Variants in PCDHA2 observed in about 807,000 individuals in gnomAD.
PCDHA2 encodes the protein protocadherin alpha-2.
In PCDHA2, 58 loss-of-function variants were observed where a neutral mutation model predicts 66.0. The observed-to-expected ratio is 0.88, with a 90% confidence interval of 0.71 to 1.09. The LOEUF is 1.09. PCDHA2 is among the 50% of genes least tolerant of loss of function. The pLI is 0.00. For synonymous variants in PCDHA2, 634 were observed against 554.0 expected (o/e 1.14, Z -2.03); for missense variants, 1,267 against 1,242.3 (o/e 1.02, Z -0.30).
At chr5:140,958,746 G>C (rs946339571) in intron 1 of PCDHA2, among the ~76,000 whole-genome samples, 1 of 152,066 alleles carries the variant, frequency 6.6e-6, no homozygotes, top group African/African-American at 2.4e-5. Flanking sequence ...AGAGAGAAAG[G>C]AGATTTTTAC....
intron 1 of PCDHA2, among the ~76,000 whole-genome samples, chr5:140,898,157 G>A (rs1455235992): frequency 1.3e-5 from 2 of 152,162 alleles, no homozygotes; most frequent in South Asian, 4.1e-4. Context: ...CACGCTGATG[G>A]TGGTTTCTTT....
Position 140,850,846 on chromosome 5 carries a change from A to G in PCDHA2, c.2388+53494A>G, listed in dbSNP as rs1183689960. 8 of 1,596,424 alleles carry G rather than the reference A, an allele frequency of 5.0e-6. 2 individuals carry two copies. Among genetic ancestry groups the G allele is most frequent in the Non-Finnish European group, 6.0e-6 (7 of 1,166,358 alleles). On this transcript the variant is annotated intron_variant, in intron 1 of 3. Coordinates refer to ENST00000526136, the MANE Select transcript of PCDHA2 (RefSeq NM_018905.3). ...CTTTCTCCTTGTGCTGGATCTACAG[A>G]GCGAACGGGAGAACCCTCTGCTTCC...
chr5:140,944,273 G>A (rs1208171689), intron 1 of PCDHA2, among the ~76,000 whole-genome samples: 2 of 152,098 alleles, frequency 1.3e-5, no homozygotes, highest in African/African-American at 4.8e-5. Flanking sequence ...CTGCAGCCTT[G>A]ACACCCCGGG....
chr5:140,978,920 A>G, intron 1 of PCDHA2, 29 bp from the exon 2 acceptor site: 1 of 1,614,014 alleles, frequency 6.2e-7, no homozygotes, highest in Non-Finnish European at 8.5e-7. Context: ...TTGTCATTTT[A>G]ACAGAAAACT....
chr5:140,861,578 C>A (rs1425852721), intron 1 of PCDHA2: 2 of 361,296 alleles, frequency 5.5e-6, no homozygotes, highest in Non-Finnish European at 1.1e-5. Flanking sequence ...TACAGGTTTT[C>A]CATGTGGAGG....
At chr5:140,978,222 G>A (rs997273847) in intron 1 of PCDHA2, among the ~76,000 whole-genome samples, 7 of 152,298 alleles carry the variant, frequency 4.6e-5, no homozygotes, top group East Asian at 1.9e-4. Context: ...AATGTATCAG[G>A]TTTTTCTTGG....
chr5:140,855,356 T>C (rs892931539), intron 1 of PCDHA2, among the ~76,000 whole-genome samples: 1 of 149,998 alleles, frequency 6.7e-6, no homozygotes, highest in African/African-American at 2.4e-5. Context: ...GTCATGTGGC[T>C]AGTGAGTAGG....
chr5:141,006,789 CT>C (rs2098288759), intron 3 of PCDHA2, among the ~76,000 whole-genome samples: 2 of 152,026 alleles, frequency 1.3e-5, no homozygotes, highest in Admixed American at 6.5e-5. Flanking sequence ...GAATAATTAG[CT>C]TTGAACTTTC....
At chr5:140,931,373 C>T (rs1290408788) in intron 1 of PCDHA2, among the ~76,000 whole-genome samples, 1 of 151,646 alleles carries the variant, frequency 6.6e-6, no homozygotes, top group Non-Finnish European at 1.5e-5. Context: ...TTTCACTAGA[C>T]TAGAAAGGAA....
At chr5:140,850,996 T>A (rs2150505224) in intron 1 of PCDHA2, 3 of 1,441,956 alleles carry the variant, frequency 2.1e-6, no homozygotes, top group South Asian at 1.6e-5. Flanking sequence ...TTTCTAGAAA[T>A]CCAGCAGATT....
rs2150411211 is a variant in PCDHA2, at chr5:140,848,488, T to C, written c.2388+51136T>C. The C allele has an allele frequency of 1.0e-5, 16 of 1,574,158 alleles. 1 individual carries two copies. The highest frequency in any genetic ancestry group is 3.4e-4 in the Middle Eastern group (2 of 5,918). On this transcript the variant is annotated intron_variant, in intron 1 of 3. Coordinates refer to ENST00000526136, the MANE Select transcript of PCDHA2 (RefSeq NM_018905.3). ...TTTCACTAATTAGAAGAAGACTGAG[T>C]ATTTGAAATGTTATACTCAAGTCGA... is the stretch of plus-strand genomic sequence containing the variant.
At chr5:140,836,729 T>C in intron 1 of PCDHA2, 2 of 1,610,386 alleles carry the variant, frequency 1.2e-6, no homozygotes, top group Non-Finnish European at 1.7e-6. Context: ...GTCCATCCTC[T>C]ACAGACAATG....
chr5:140,900,840 T>C (rs6874218), intron 1 of PCDHA2, among the ~76,000 whole-genome samples: 1 of 151,950 alleles, frequency 6.6e-6, no homozygotes, highest in Admixed American at 6.6e-5. Flanking sequence ...ATGTACAAAG[T>C]TTCCCTTTTT....
At chr5:140,856,763 C>G (rs1004781576) in intron 1 of PCDHA2, 3 of 1,596,086 alleles carry the variant, frequency 1.9e-6, no homozygotes, top group Admixed American at 1.7e-5. Flanking sequence ...TGATAACGCC[C>G]CTATCTTTGA....
chr5:140,997,357 A>G (rs1309712075), intron 3 of PCDHA2, among the ~76,000 whole-genome samples: 1 of 152,218 alleles, frequency 6.6e-6, no homozygotes, highest in Non-Finnish European at 1.5e-5. Flanking sequence ...ATGTACTTAC[A>G]TAAACCTAGA....
At chr5:140,842,728 G>T in intron 1 of PCDHA2, 2 of 1,595,050 alleles carry the variant, frequency 1.3e-6, no homozygotes, top group Non-Finnish European at 1.7e-6. Context: ...AGAACAACCC[G>T]CCGGGCTGCC....
chr5:140,870,945 G>T, intron 1 of PCDHA2: 2 of 1,613,724 alleles, frequency 1.2e-6, no homozygotes, highest in Non-Finnish European at 1.7e-6. Flanking sequence ...AGCCGGCGGC[G>T]GGCGGCTCGC....
At chr5:140,968,560 C>T (rs782202250) in intron 1 of PCDHA2, 2 of 1,614,154 alleles carry the variant, frequency 1.2e-6, no homozygotes, top group Admixed American at 1.7e-5. Context: ...CTCGAACTGC[C>T]CCTGCTGGCT....
chr5:140,846,687 T>C (rs1554141460), intron 1 of PCDHA2, among the ~76,000 whole-genome samples: 1 of 149,376 alleles, frequency 6.7e-6, no homozygotes, highest in East Asian at 1.9e-4. Context: ...AATGCTTTCT[T>C]AGCAAGTAGA....
Sources: gnomAD v4.1 joint callset for allele counts (sites outside exome capture counted in the v4.1 genomes callset) on GRCh38, gnomAD v4.1.1 for gene constraint, MANE v1.5 for transcripts, NCBI Gene and HGNC (gene_info 2026-07-23, HGNC 2026-07-21) for gene names.